Variants in TMPRSS15 observed in about 807,000 individuals in gnomAD.
The protein encoded by TMPRSS15 is transmembrane serine protease 15.
Under a neutral mutation model 125.3 loss-of-function variants are expected in TMPRSS15, and 128 were observed. The observed-to-expected ratio is 1.02, with a 90% CI of 0.89 to 1.18. The LOEUF (loss-of-function observed/expected upper bound fraction) is 1.18, where lower values mean the gene tolerates loss of function less well. Among genes scored for constraint, TMPRSS15 ranks in the 50% most tolerant of loss-of-function variants. The probability of loss-of-function intolerance (pLI) is 0.00; values close to 1 mark genes in which losing one functional copy is unlikely to be tolerated. For synonymous variants in TMPRSS15, 446 were observed against 423.2 expected (o/e 1.05, Z -0.66); for missense variants, 1,283 against 1,212.7 (o/e 1.06, Z -0.86).
At chr21:18,330,289 G>A (rs550212038) in intron 14 of TMPRSS15, among the ~76,000 whole-genome samples, 3 of 152,174 alleles carry the variant, frequency 2.0e-5, no homozygotes, top group African/African-American at 7.2e-5. Context: ...CCTAATTGGC[G>A]ATGCTGATGA....
At chr21:18,339,688 T>G (rs2075428133) in intron 13 of TMPRSS15, among the ~76,000 whole-genome samples, 2 of 131,176 alleles carry the variant, frequency 1.5e-5, no homozygotes, top group East Asian at 4.1e-4. Flanking sequence ...AAAAAAGCAT[T>G]GTTTTTTTTG....
chr21:18,318,286 T>C (rs1271511399), intron 16 of TMPRSS15, among the ~76,000 whole-genome samples: 1 of 152,180 alleles, frequency 6.6e-6, no homozygotes, highest in Admixed American at 6.5e-5. Flanking sequence ...AGAGGTGTAT[T>C]GTCTATAGTG....
At chr21:18,471,476 GA>G (rs11355100) in intron 1 of TMPRSS15, among the ~76,000 whole-genome samples, 85,893 of 146,786 alleles carry the variant, frequency 0.59, 25,382 homozygotes, top group East Asian at 0.88. Context: ...TTTCAGTTTT[GA>G]AAAAAAAAAA....
rs562534714 is a variant in TMPRSS15, at chr21:18,325,989, T to C, written c.1921+443A>G. ...ATTCCTACACTGTGGTGCTTTACTC[T>C]GGTTGTCTCCAATAAGTTAATGATG... On this transcript the variant is annotated intron_variant, in intron 16 of 24. Coordinates refer to ENST00000284885, the MANE Select transcript of TMPRSS15 (RefSeq NM_002772.3). Among the ~76,000 whole-genome samples the C allele has an allele frequency of 9.2e-5, 14 of 152,224 alleles. No individual in the cohort carries two copies. In the East Asian group the frequency reaches 2.5e-3, roughly 27 times the overall value.
chr21:18,429,821 T>TG (rs953659864), intron 1 of TMPRSS15, among the ~76,000 whole-genome samples: 3 of 152,250 alleles, frequency 2.0e-5, no homozygotes, highest in Non-Finnish European at 4.4e-5. Context: ...ATACTATACT[T>TG]GCAGCTTTGC....
rs572943287 is a variant in TMPRSS15 at position 18,401,348 on chromosome 21, T to C, written c.145+2130A>G. 2.0e-5 allele frequency among the ~76,000 whole-genome samples: 3 copies of C among 152,244 alleles called. No individual in the cohort carries two copies. In the South Asian group the frequency reaches 6.2e-4, roughly 32 times the overall value. On this transcript the variant is annotated intron_variant, in intron 1 of 24. Transcript: ENST00000284885. ...TCAACCTAGGTGCCCATCAACGGTGTACTGGATAAAGAAAATGTGGTACAT... is the reference window on the plus strand; with the variant it reads ...TCAACCTAGGTGCCCATCAACGGTGCACTGGATAAAGAAAATGTGGTACAT...
chr21:18,324,103 G>T (rs1365993426), intron 16 of TMPRSS15, among the ~76,000 whole-genome samples: 1 of 150,830 alleles, frequency 6.6e-6, no homozygotes, highest in Non-Finnish European at 1.5e-5. Flanking sequence ...TTTTTTTATT[G>T]AACACACTAA....
chr21:18,286,705 C>T (rs1568984017), intron 21 of TMPRSS15, among the ~76,000 whole-genome samples: 1 of 152,218 alleles, frequency 6.6e-6, no homozygotes, highest in Non-Finnish European at 1.5e-5. Context: ...GCAGTCCCAT[C>T]TTCACACATT....
intron 1 of TMPRSS15, among the ~76,000 whole-genome samples, chr21:18,452,697 C>A (rs116718324): frequency 6.6e-6 from 1 of 152,010 alleles, no homozygotes; most frequent in Non-Finnish European, 1.5e-5. Flanking sequence ...TGGAATGTTA[C>A]AAACTGAATA....
intron 16 of TMPRSS15, among the ~76,000 whole-genome samples, chr21:18,324,620 A>C (rs2075271310): frequency 6.6e-6 from 1 of 152,206 alleles, no homozygotes; most frequent in African/African-American, 2.4e-5. Flanking sequence ...TAATTTAAAA[A>C]ATTAGGGTCA....
chr21:18,413,274 T>TTTTCTTTC (rs1555911448), intron 1 of TMPRSS15, among the ~76,000 whole-genome samples: 10 of 108,042 alleles, frequency 9.3e-5, no homozygotes, highest in East Asian at 5.1e-4. Flanking sequence ...TTCTCTTTCT[T>TTTTCTTTC]TTTCTTTTTC....
chr21:18,387,651 GCA>G (rs977731186), intron 3 of TMPRSS15, among the ~76,000 whole-genome samples: 23 of 95,162 alleles, frequency 2.4e-4, no homozygotes, highest in Non-Finnish European at 3.8e-4. Context: ...ACACACACAC[GCA>G]CACACACCCC....
At chr21:18,380,711 C>T (rs1601416003) in intron 4 of TMPRSS15, 1 of 347,228 alleles carries the variant, frequency 2.9e-6, no homozygotes, top group Admixed American at 3.5e-5. Flanking sequence ...TTATCCTCTG[C>T]CATGCTAAGC....
chr21:18,394,298 A>T (rs2076014599), intron 3 of TMPRSS15, among the ~76,000 whole-genome samples: 1 of 152,280 alleles, frequency 6.6e-6, no homozygotes, highest in Admixed American at 6.5e-5. Context: ...GAATAAACTG[A>T]AGATTATTTT....
At chr21:18,455,951 C>T (rs1191575517) in intron 1 of TMPRSS15, among the ~76,000 whole-genome samples, 1 of 152,090 alleles carries the variant, frequency 6.6e-6, no homozygotes, top group Non-Finnish European at 1.5e-5. Context: ...TAATTAAATT[C>T]TGGCACCTTG....
chr21:18,442,855 G>A (rs1382560008), intron 1 of TMPRSS15, among the ~76,000 whole-genome samples: 2 of 152,086 alleles, frequency 1.3e-5, no homozygotes, highest in South Asian at 2.1e-4. Context: ...ATTTTAATAC[G>A]ATTCTGACGT....
chr21:18,478,770 A>G (rs1978926159), intron 1 of TMPRSS15, among the ~76,000 whole-genome samples: 1 of 152,002 alleles, frequency 6.6e-6, no homozygotes, highest in African/African-American at 2.4e-5. Context: ...AGGTGAAGCA[A>G]TCTTCTCACA....
chr21:18,288,041 T>C (rs1213759536), intron 21 of TMPRSS15, among the ~76,000 whole-genome samples: 3 of 152,166 alleles, frequency 2.0e-5, no homozygotes, highest in Non-Finnish European at 4.4e-5. Context: ...TTTGTGTGTT[T>C]ATAACAGCAC....
chr21:18,469,127 C>T (rs1162095155), intron 1 of TMPRSS15, among the ~76,000 whole-genome samples: 2 of 152,172 alleles, frequency 1.3e-5, no homozygotes, highest in African/African-American at 4.8e-5. Context: ...TACAGCTGCA[C>T]TGCCAGCAGT....
Sources: allele counts gnomAD v4.1 joint callset (sites outside exome capture counted in the v4.1 genomes callset), GRCh38; gene constraint gnomAD v4.1.1; transcripts MANE v1.5; gene names NCBI Gene and HGNC (gene_info 2026-07-23, HGNC 2026-07-21).